The following GLRX3 variants were observed in gnomAD, a reference collection of about 807,000 sequenced individuals.
The protein encoded by GLRX3 is glutaredoxin 3, also known as glutaredoxin-3.
In GLRX3, 22 loss-of-function variants were observed where a neutral mutation model predicts 49.5. The ratio of observed to expected loss-of-function variants is 0.44; its 90% CI spans 0.32 to 0.63. The LOEUF is 0.63. Among genes scored for constraint, GLRX3 ranks in the 30% least tolerant of loss-of-function variants. The pLI, the probability that GLRX3 is intolerant of heterozygous loss-of-function variation, is 0.05. For synonymous variants in GLRX3, 133 were observed against 140.0 expected (o/e 0.95, Z 0.35); for missense variants, 385 against 396.3 (o/e 0.97, Z 0.24).
intron 5 of GLRX3, 62 bp downstream of exon 5, chr10:130,166,741 GT>G: frequency 1.3e-5 from 16 of 1,206,560 alleles, no homozygotes; most frequent in Non-Finnish European, 1.9e-5. Flanking sequence ...TTTTTAAAAT[GT>G]TGTGATAAAT....
chr10:130,166,244 C>CTTT (rs58269012), intron 4 of GLRX3, among the ~76,000 whole-genome samples: 1 of 139,450 alleles, frequency 7.2e-6, no homozygotes, highest in African/African-American at 2.6e-5. Flanking sequence ...ACACACACCA[C>CTTT]TTTTTTTTTT....
At chr10:130,136,719 C>T (rs1183676694) in intron 1 of GLRX3, among the ~76,000 whole-genome samples, 1 of 152,196 alleles carries the variant, frequency 6.6e-6, no homozygotes, top group Non-Finnish European at 1.5e-5. Flanking sequence ...CCCGGAACAG[C>T]GAGCAGGGCG....
intron 2 of GLRX3, among the ~76,000 whole-genome samples, chr10:130,148,655 C>G (rs1290277485): frequency 1.3e-5 from 2 of 152,012 alleles, no homozygotes; most frequent in Middle Eastern, 3.4e-3. Context: ...GTTAGTCACC[C>G]ATTTTTGGTC....
intron 10 of GLRX3, among the ~76,000 whole-genome samples, chr10:130,177,541 G>C (rs1862946775): frequency 6.6e-6 from 1 of 152,214 alleles, no homozygotes. Context: ...GTCAGTAGAT[G>C]AGGAAACAGA....
rs1862693809 is a variant in GLRX3 at position 130,166,525 on chromosome 10, T to C, written c.497T>C (p.Val166Ala). The C allele has an allele frequency of 1.2e-6, 2 of 1,613,234 alleles. No individual in the cohort carries two copies. Among genetic ancestry groups the C allele is most frequent in the Non-Finnish European group, 1.7e-6 (2 of 1,179,450 alleles). Residue 166 changes from valine (V) to alanine (A), a missense_variant, in exon 5 of 11, where the codon GTG becomes GCG. Coordinates refer to ENST00000331244, the MANE Select transcript of GLRX3 (RefSeq NM_006541.5). ...TGTACAGGTTTCAGCAAGCAGATGG[T>C]GGAAATTCTTCACAAACATAATATT... ...EPRCGFSKQM[V>A]EILHKHNIQF... is the part of the protein sequence containing the mutation.
chr10:130,166,739 ATGT>A (rs746088437), intron 5 of GLRX3, 60 bp downstream of exon 5: 34 of 1,210,778 alleles, frequency 2.8e-5, no homozygotes, highest in African/African-American at 6.1e-5. Context: ...ACTTTTTAAA[ATGT>A]TGTGATAAAT....
At chr10:130,155,514 G>A (rs766711653) in intron 2 of GLRX3, among the ~76,000 whole-genome samples, 3 of 152,218 alleles carry the variant, frequency 2.0e-5, no homozygotes, top group Non-Finnish European at 2.9e-5. Flanking sequence ...AACACCTGTT[G>A]ATGGAGTAGG....
intron 6 of GLRX3, among the ~76,000 whole-genome samples, chr10:130,169,172 T>G (rs1375271154): frequency 1.3e-5 from 2 of 152,140 alleles, no homozygotes; most frequent in Non-Finnish European, 2.9e-5. Context: ...TTATTATTAT[T>G]TTTTTATTAC....
chr10:130,174,375 T>G (rs1862873885), intron 8 of GLRX3, among the ~76,000 whole-genome samples: 1 of 152,064 alleles, frequency 6.6e-6, no homozygotes, highest in Non-Finnish European at 1.5e-5. Flanking sequence ...TGGGTAAGAG[T>G]GTTCAGTTAA....
intron 2 of GLRX3, among the ~76,000 whole-genome samples, chr10:130,151,629 T>G (rs1421446382): frequency 2.0e-5 from 3 of 152,182 alleles, no homozygotes; most frequent in Non-Finnish European, 4.4e-5. Context: ...GTGTTTGGTT[T>G]TCTGTCCTTG....
At chr10:130,151,615 T>C (rs61874403) in intron 2 of GLRX3, among the ~76,000 whole-genome samples, 15,152 of 151,846 alleles carry the variant, frequency 0.1, 771 homozygotes, top group Middle Eastern at 0.13. Flanking sequence ...AGTGAGAACA[T>C]GTGGTGTTTG....
At chr10:130,158,319 T>G (rs576360576) in intron 2 of GLRX3, among the ~76,000 whole-genome samples, 1 of 152,218 alleles carries the variant, frequency 6.6e-6, no homozygotes, top group South Asian at 2.1e-4. Context: ...TTCAAGCGAT[T>G]CTCCCGCCTC....
At chr10:130,163,876 C>CT in intron 4 of GLRX3, among the ~76,000 whole-genome samples, 1 of 152,340 alleles carries the variant, frequency 6.6e-6, no homozygotes, top group Middle Eastern at 3.4e-3. Context: ...CGTGGCTGCT[C>CT]TTTCCTTATT....
intron 2 of GLRX3, among the ~76,000 whole-genome samples, chr10:130,147,533 C>T (rs1245133317): frequency 6.6e-6 from 1 of 152,202 alleles, no homozygotes; most frequent in Non-Finnish European, 1.5e-5. Flanking sequence ...GCACCTGCCA[C>T]TCATGAGGAT....
At chr10:130,138,858 T>TTG (rs1564985407) in intron 1 of GLRX3, among the ~76,000 whole-genome samples, 1 of 147,916 alleles carries the variant, frequency 6.8e-6, no homozygotes, top group Non-Finnish European at 1.5e-5. Flanking sequence ...TTTTTTTTTT[T>TTG]TTTTTTTTTT....
chr10:130,163,475 T>G (rs969085365), intron 4 of GLRX3, among the ~76,000 whole-genome samples: 2 of 152,222 alleles, frequency 1.3e-5, no homozygotes, highest in African/African-American at 4.8e-5. Context: ...ATTATAGTTA[T>G]TTAATTAATA....
At chr10:130,169,786 T>C (rs986829035) in intron 7 of GLRX3, among the ~76,000 whole-genome samples, 2 of 152,240 alleles carry the variant, frequency 1.3e-5, no homozygotes, top group South Asian at 2.1e-4. Context: ...CATTATCCTT[T>C]GTTTGAGTTT....
chr10:130,153,296 C>G (rs1047638578), intron 2 of GLRX3, among the ~76,000 whole-genome samples: 39 of 152,212 alleles, frequency 2.6e-4, no homozygotes, highest in African/African-American at 8.9e-4. Context: ...AATCCTGCTT[C>G]TGTCAACTTG....
chr10:130,152,010 TTTG>T, intron 2 of GLRX3, among the ~76,000 whole-genome samples: 1 of 152,182 alleles, frequency 6.6e-6, no homozygotes. Context: ...TAAGGTTAAT[TTTG>T]TTGTGTGTGA....
Sources: gnomAD v4.1 joint callset for allele counts (sites outside exome capture counted in the v4.1 genomes callset) on GRCh38, gnomAD v4.1.1 for gene constraint, MANE v1.5 for transcripts, NCBI Gene and HGNC (gene_info 2026-07-23, HGNC 2026-07-21) for gene names.